The following SEMA5A variants were observed in gnomAD, a reference collection of about 807,000 sequenced individuals.
SEMA5A encodes the protein semaphorin 5A.
A neutral mutation model predicts 135.5 loss-of-function variants in SEMA5A; 55 were observed. The ratio of observed to expected loss-of-function variants is 0.41; its 90% CI spans 0.33 to 0.51. The LOEUF is 0.51. SEMA5A is among the 20% of genes least tolerant of loss of function. SEMA5A has a pLI of 0.37. For synonymous variants in SEMA5A, 580 were observed against 546.5 expected (o/e 1.06, Z -0.85); for missense variants, 1,290 against 1,419.9 (o/e 0.91, Z 1.47).
chr5:9,346,679 TG>T (rs1333410593), intron 3 of SEMA5A, among the ~76,000 whole-genome samples: 1 of 152,182 alleles, frequency 6.6e-6, no homozygotes, highest in Non-Finnish European at 1.5e-5. Context: ...AACTCACCCC[TG>T]CTAGTGCCAA....
chr5:9,454,136 G>A (rs147769380), intron 1 of SEMA5A, among the ~76,000 whole-genome samples: 62 of 152,290 alleles, frequency 4.1e-4, no homozygotes, highest in Non-Finnish European at 5.7e-4. Context: ...AGACTCCTCA[G>A]AAACACAAAT....
Position 9,042,985 on chromosome 5 carries a change from T to C in SEMA5A, c.3137A>G (p.Glu1046Gly). The C allele has an allele frequency of 6.2e-7, 1 of 1,612,268 alleles. No individual in the cohort carries two copies. Among genetic ancestry groups the C allele is most frequent in the African/African-American group, 1.3e-5 (1 of 74,776 alleles). ...ATGTGGGTTGAAGTATTTGTTTCTT[T>C]CCTCTAGGATCAAGTTGTTTTTGTT... is the stretch of plus-strand genomic sequence containing the variant. ...AFNKNNLILE[E>G]RNKYFNPHLT... The change falls in exon 23 of 23, where the codon GAA becomes GGA. Residue 1046 changes from glutamate to glycine, a missense_variant. By Grantham distance (98) the Glu-to-Gly change is moderately conservative. Around this residue, in one of 3 missense-constraint regions of SEMA5A, gnomAD observed 1,029 missense variants for 1,086.6 expected, o/e 0.95. Transcript: ENST00000382496.
chr5:9,374,622 CGTGTGTGTGTGTGTGTGT>C, intron 3 of SEMA5A, among the ~76,000 whole-genome samples: 1 of 147,246 alleles, frequency 6.8e-6, no homozygotes, highest in Non-Finnish European at 1.5e-5. Flanking sequence ...CACAAGACAT[CGTGTGTGTGTGTGTGTGT>C]GTGTGTGTGT....
intron 2 of SEMA5A, among the ~76,000 whole-genome samples, chr5:9,392,475 G>T (rs1009359766): frequency 2.0e-5 from 3 of 152,134 alleles, no homozygotes; most frequent in Non-Finnish European, 2.9e-5. Context: ...TAAATTGAGG[G>T]GGGGAAGCTT....
intron 12 of SEMA5A, 147 bp downstream of exon 12, chr5:9,154,341 C>T (rs1241797974): frequency 7.2e-5 from 48 of 665,586 alleles, no homozygotes; most frequent in South Asian, 6.9e-4. Context: ...TTAATGAAAG[C>T]TCTGCATCCT....
chr5:9,290,520 C>A (rs891257900), intron 5 of SEMA5A, among the ~76,000 whole-genome samples: 1 of 152,092 alleles, frequency 6.6e-6, no homozygotes, highest in Non-Finnish European at 1.5e-5. Context: ...TTTTGGAAAG[C>A]AATTACGGTC....
At chr5:9,422,065 T>C (rs1757489210) in intron 2 of SEMA5A, among the ~76,000 whole-genome samples, 1 of 152,234 alleles carries the variant, frequency 6.6e-6, no homozygotes, top group African/African-American at 2.4e-5. Context: ...AAAATTCTCG[T>C]TCTGCAATTA....
At chr5:9,165,917 C>A (rs897828593) in intron 11 of SEMA5A, among the ~76,000 whole-genome samples, 4 of 152,012 alleles carry the variant, frequency 2.6e-5, no homozygotes, top group Admixed American at 2.0e-4. Context: ...TTAAATTGGT[C>A]TTGGCACTGG....
chr5:9,342,835 G>A (rs1753709408), intron 3 of SEMA5A, among the ~76,000 whole-genome samples: 1 of 152,214 alleles, frequency 6.6e-6, no homozygotes, highest in African/African-American at 2.4e-5. Context: ...AAGAGTGAGT[G>A]TTGCCAAGAT....
intron 2 of SEMA5A, among the ~76,000 whole-genome samples, chr5:9,380,614 G>C (rs186684135): frequency 3.0e-3 from 463 of 152,270 alleles, no homozygotes; most frequent in Non-Finnish European, 4.5e-3. Context: ...CAAAATATCT[G>C]GCTAGAGATC....
intron 11 of SEMA5A, among the ~76,000 whole-genome samples, chr5:9,155,919 C>T (rs189413386): frequency 5.9e-5 from 9 of 152,192 alleles, no homozygotes; most frequent in Non-Finnish European, 1.0e-4. Context: ...TATACACTGA[C>T]TGAAAAATCA....
intron 11 of SEMA5A, among the ~76,000 whole-genome samples, chr5:9,184,634 T>A (rs13436321): frequency 0.11 from 17,087 of 152,258 alleles, 1,652 homozygotes; most frequent in African/African-American, 0.24. Flanking sequence ...TAATTTAATT[T>A]TTACTCTTGT....
chr5:9,297,992 G>T (rs932716439), intron 5 of SEMA5A, among the ~76,000 whole-genome samples: 1 of 152,082 alleles, frequency 6.6e-6, no homozygotes, highest in African/African-American at 2.4e-5. Flanking sequence ...TAGCTATAAA[G>T]TTAGGTGACC....
chr5:9,377,156 G>A (rs1399314405), intron 3 of SEMA5A, among the ~76,000 whole-genome samples: 2 of 150,802 alleles, frequency 1.3e-5, no homozygotes, highest in African/African-American at 4.9e-5. Context: ...CTTCTAGAGA[G>A]TAGGCTCCAG....
At chr5:9,182,720 CCTG>C (rs1744589122) in intron 11 of SEMA5A, among the ~76,000 whole-genome samples, 1 of 150,922 alleles carries the variant, frequency 6.6e-6, no homozygotes. Flanking sequence ...ATCTAGAATG[CCTG>C]CTTATTTTTA....
chr5:9,204,200 C>A lies in SEMA5A; in HGVS notation c.647-1960G>T, dbSNP rs1455602395. ...TGGGAATTGTACTAAAAACAAACAA[C>A]AACAACAAAAACAGCAACAAGCAAC... On this transcript the variant is annotated intron_variant, in intron 8 of 22. Coordinates refer to ENST00000382496, the MANE Select transcript of SEMA5A (RefSeq NM_003966.3). The surrounding 1 kb of genome is among the most constrained non-coding windows in gnomAD (Gnocchi z 6.4). 6.6e-6 allele frequency among the ~76,000 whole-genome samples: 1 copy of A among 152,074 alleles called. No individual in the cohort carries two copies.
chr5:9,190,599 C>T (rs1745054918), intron 10 of SEMA5A, 128 bp from the exon 11 acceptor site: 6 of 767,632 alleles, frequency 7.8e-6, no homozygotes, highest in Non-Finnish European at 1.3e-5. Context: ...AGTATGCAAA[C>T]ATGTCTGCTT....
rs1483492564 is a variant in SEMA5A at position 9,039,564 on chromosome 5, T to C, written c.*3333A>G. On this transcript the variant is annotated 3_prime_UTR_variant, in exon 23 of 23. Transcript: ENST00000382496. Reference sequence around the variant, plus strand: ...ATGAATGGTAACTCTAGTGAGAGCCTACTTGAACAGGCTTAGGGAACCATC... The same window carrying C: ...ATGAATGGTAACTCTAGTGAGAGCCCACTTGAACAGGCTTAGGGAACCATC... The C allele has an allele frequency of 6.6e-6, 1 of 152,232 alleles. No homozygotes were observed. The highest frequency in any genetic ancestry group is 1.9e-4 in the East Asian group (1 of 5,196). 9.4% of individuals were successfully genotyped at this position (152,232 alleles called of 1,614,324 possible).
intron 8 of SEMA5A, among the ~76,000 whole-genome samples, chr5:9,206,970 C>T (rs1292372037): frequency 6.8e-6 from 1 of 147,702 alleles, no homozygotes; most frequent in African/African-American, 2.5e-5. Flanking sequence ...CATTTTCCAG[C>T]CTGACTTTGG....
Sources: gnomAD v4.1 joint callset for allele counts (sites outside exome capture counted in the v4.1 genomes callset) on GRCh38, gnomAD v4.1.1 for gene constraint, gnomAD v4.1.1 regional missense constraint, Gnocchi (gnomAD v3.1) non-coding constraint, MANE v1.5 for transcripts, NCBI Gene and HGNC (gene_info 2026-07-23, HGNC 2026-07-21) for gene names.